Variants in ZCCHC7 observed in about 807,000 individuals in gnomAD.
ZCCHC7 encodes the protein zinc finger CCHC domain-containing protein 7.
In ZCCHC7, 35 loss-of-function variants were observed where a neutral mutation model predicts 52.0. That is an observed-to-expected ratio of 0.67 (90% CI 0.51 to 0.89). The LOEUF (loss-of-function observed/expected upper bound fraction) is 0.89, where lower values mean the gene tolerates loss of function less well. Among genes scored for constraint, ZCCHC7 ranks in the 40% least tolerant of loss-of-function variants. The pLI is 0.00. For synonymous variants in ZCCHC7, 217 were observed against 221.5 expected (o/e 0.98, Z 0.18); for missense variants, 574 against 649.1 (o/e 0.88, Z 1.26).
chr9:37,171,748 A>G (rs1333529573), intron 2 of ZCCHC7, among the ~76,000 whole-genome samples: 1 of 152,196 alleles, frequency 6.6e-6, no homozygotes, highest in African/African-American at 2.4e-5. Context: ...TGCCTCAACC[A>G]TAGTTTTTAG....
intron 2 of ZCCHC7, among the ~76,000 whole-genome samples, chr9:37,228,474 C>G (rs1031595142): frequency 7.9e-5 from 12 of 151,898 alleles, no homozygotes; most frequent in Non-Finnish European, 7.4e-5. Context: ...CCTCGAACTC[C>G]TAGGCTCAAG....
chr9:37,178,678 T>C lies in ZCCHC7; in HGVS notation c.610+51736T>C, dbSNP rs1324334152. On this transcript the variant is annotated intron_variant, in intron 2 of 8. Transcript: ENST00000336755. Reference sequence around the variant, plus strand: ...TGAGCAGTGATACAAAGTTCAGGTGTTGTAGCAGACGTATTTTGAGTTTAC... The same window carrying C: ...TGAGCAGTGATACAAAGTTCAGGTGCTGTAGCAGACGTATTTTGAGTTTAC... Among the ~76,000 whole-genome samples, 3 of 152,214 alleles carry C rather than the reference T, an allele frequency of 2.0e-5. No individual in the cohort carries two copies. The East Asian group carries it at 5.8e-4, about 29-fold the overall frequency.
chr9:37,204,644 C>T (rs1054407579), intron 2 of ZCCHC7, among the ~76,000 whole-genome samples: 1 of 152,144 alleles, frequency 6.6e-6, no homozygotes, highest in Non-Finnish European at 1.5e-5. Context: ...TCTGAGGTCA[C>T]TATTCTGTTC....
intron 2 of ZCCHC7, among the ~76,000 whole-genome samples, chr9:37,275,220 C>T (rs1827624091): frequency 6.6e-6 from 1 of 152,142 alleles, no homozygotes; most frequent in Non-Finnish European, 1.5e-5. Context: ...CTTCTCCCAA[C>T]AGTTGGGCCT....
At chr9:37,120,566 C>T (rs996702277), upstream of ZCCHC7, 14 of 399,316 alleles carry the variant, frequency 3.5e-5, no homozygotes, top group African/African-American at 2.9e-4. Flanking sequence ...CCTCGCCCCT[C>T]CCCGTCCCTC....
At chr9:37,122,085 G>A (rs1436448912) in intron 1 of ZCCHC7, among the ~76,000 whole-genome samples, 1 of 152,156 alleles carries the variant, frequency 6.6e-6, no homozygotes, top group Non-Finnish European at 1.5e-5. Flanking sequence ...TAAATCGGCC[G>A]GAGATGGATG....
rs976156897 is a variant in ZCCHC7, at chr9:37,274,952, T to C, written c.611-27236T>C. Among the ~76,000 whole-genome samples, 7 of 152,222 alleles carry C rather than the reference T, an allele frequency of 4.6e-5. No individual in the cohort carries two copies. In the South Asian group the frequency reaches 1.2e-3, roughly 27 times the overall value. On this transcript the variant is annotated intron_variant, in intron 2 of 8. Coordinates refer to ENST00000336755, the MANE Select transcript of ZCCHC7 (RefSeq NM_032226.3). The stretch of plus-strand genomic sequence containing the variant: ...ACACCTATATGGTGTATCAAGTTTA[T>C]GCATGCAGGTCGTTGGGCTACGTGA...
At chr9:37,246,708 C>G (rs1031832964) in intron 2 of ZCCHC7, among the ~76,000 whole-genome samples, 12 of 152,138 alleles carry the variant, frequency 7.9e-5, no homozygotes, top group African/African-American at 2.9e-4. Context: ...AGTTGGCTCT[C>G]GGTATCTACA....
At chr9:37,308,776 C>T (rs781503488) in intron 5 of ZCCHC7, among the ~76,000 whole-genome samples, 11 of 151,916 alleles carry the variant, frequency 7.2e-5, no homozygotes, top group Admixed American at 1.3e-4. Context: ...GTCAAGAGAT[C>T]GAGACCATCC....
At chr9:37,217,837 A>T (rs748100891) in intron 2 of ZCCHC7, among the ~76,000 whole-genome samples, 2 of 152,192 alleles carry the variant, frequency 1.3e-5, no homozygotes, top group Non-Finnish European at 2.9e-5. Context: ...CCTACTCTGG[A>T]TATGAAGATA....
At chr9:37,177,860 T>A (rs1198959963) in intron 2 of ZCCHC7, among the ~76,000 whole-genome samples, 1 of 152,158 alleles carries the variant, frequency 6.6e-6, no homozygotes, top group Non-Finnish European at 1.5e-5. Context: ...AGAGATACTG[T>A]CACAGCCAAG....
intron 2 of ZCCHC7, among the ~76,000 whole-genome samples, chr9:37,274,267 T>C (rs556629101): frequency 6.6e-6 from 1 of 152,050 alleles, no homozygotes; most frequent in South Asian, 2.1e-4. Flanking sequence ...AGAGCACATA[T>C]ATTATGCTTG....
chr9:37,125,438 C>T (rs1842502585), intron 1 of ZCCHC7, among the ~76,000 whole-genome samples: 1 of 152,262 alleles, frequency 6.6e-6, no homozygotes, highest in Admixed American at 6.5e-5. Context: ...GGATTACAGG[C>T]ATGAGCCACT....
intron 5 of ZCCHC7, among the ~76,000 whole-genome samples, chr9:37,321,740 TG>T (rs1480622049): frequency 1.3e-5 from 2 of 152,112 alleles, no homozygotes; most frequent in Non-Finnish European, 2.9e-5. Flanking sequence ...CATTCTAGCC[TG>T]GGCAACAGAG....
At chr9:37,199,010 T>C (rs573600539) in intron 2 of ZCCHC7, among the ~76,000 whole-genome samples, 1 of 152,352 alleles carries the variant, frequency 6.6e-6, no homozygotes, top group African/African-American at 2.4e-5. Flanking sequence ...TTTAGCCTTC[T>C]ACCCACTGAG....
chr9:37,135,720 A>G (rs1252246743), intron 2 of ZCCHC7, among the ~76,000 whole-genome samples: 1 of 152,224 alleles, frequency 6.6e-6, no homozygotes. Flanking sequence ...AGTATTATTT[A>G]AAGTGAAATA....
intron 6 of ZCCHC7, among the ~76,000 whole-genome samples, chr9:37,336,624 A>G (rs1159749816): frequency 2.0e-5 from 3 of 152,240 alleles, no homozygotes; most frequent in Admixed American, 2.0e-4. Context: ...TTCTTTTATA[A>G]TTTTTTTATT....
intron 6 of ZCCHC7, among the ~76,000 whole-genome samples, chr9:37,332,842 T>C (rs1830504448): frequency 6.6e-6 from 1 of 151,654 alleles, no homozygotes; most frequent in South Asian, 2.1e-4. Context: ...TATAAATGCA[T>C]GTTATTTTTC....
chr9:37,310,509 T>C (rs959065242), intron 5 of ZCCHC7, among the ~76,000 whole-genome samples: 1 of 152,186 alleles, frequency 6.6e-6, no homozygotes, highest in African/African-American at 2.4e-5. Flanking sequence ...ATAAGCAGGA[T>C]ATGAAGTGTA....
Sources: gnomAD v4.1 joint callset for allele counts (sites outside exome capture counted in the v4.1 genomes callset) on GRCh38, gnomAD v4.1.1 for gene constraint, MANE v1.5 for transcripts, NCBI Gene and HGNC (gene_info 2026-07-23, HGNC 2026-07-21) for gene names.